BBS4: variants seen among roughly 807,000 people sequenced by gnomAD.
BBS4 encodes Bardet-Biedl syndrome 4, also known as BBSome complex member BBS4.
BBS4 carries 58 observed loss-of-function variants against 71.4 expected under a neutral mutation model. That is an observed-to-expected ratio of 0.81 (90% confidence interval 0.66 to 1.01). BBS4 has a LOEUF of 1.01. BBS4 is among the 50% of genes least tolerant of loss of function. The pLI is 0.00. For synonymous variants in BBS4, 228 were observed against 216.8 expected (o/e 1.05, Z -0.46); for missense variants, 660 against 607.9 (o/e 1.09, Z -0.90).
rs2065956600 is a variant in BBS4 at position 72,737,801 on chromosome 15, A to C, written c.*214A>C. On this transcript the variant is annotated 3_prime_UTR_variant, in exon 16 of 16. Coordinates refer to ENST00000268057, the MANE Select transcript of BBS4 (RefSeq NM_033028.5). ...CTCTACTGCCCCATAAGCCAGGAAA[A>C]GTGAAAAGAGAACACAGTTCCTTTA... 2 of 580,620 alleles carry C rather than the reference A, an allele frequency of 3.4e-6. No homozygotes were observed. The highest frequency in any genetic ancestry group is 4.3e-5 in the Admixed American group (2 of 46,180). The allele number at this position is 580,620 out of a possible 1,614,324, so 36.0% of individuals were successfully genotyped here. A position where few individuals can be genotyped will look rare whatever the true frequency, so the allele number is the denominator to read the frequency against.
intron 1 of BBS4, among the ~76,000 whole-genome samples, chr15:72,689,569 C>CA (rs376449093): frequency 1.3e-5 from 2 of 152,066 alleles, no homozygotes; most frequent in Admixed American, 6.6e-5. Flanking sequence ...CCCATTTCTA[C>CA]AAAAAACACA....
In BBS4 at chr15:72,709,765, T is replaced by C; in HGVS notation, c.142T>C (p.Tyr48His). 1 of 1,613,570 alleles carries C rather than the reference T, an allele frequency of 6.2e-7. No homozygotes were observed. Among genetic ancestry groups the C allele is most frequent in the Middle Eastern group, 1.7e-4 (1 of 6,060 alleles). ...TCATCTTCATTATATCCGGAAAGAT[T>C]ATGAAGCCTGCAAGGTAAGAGATTG... ...LIHLHYIRKD[Y>H]EACKAVIKEQ... Residue 48 changes from tyrosine to histidine, a missense_variant, in exon 3 of 16, where the codon TAT (tyrosine) becomes CAT (histidine). Transcript: ENST00000268057.
At chr15:72,693,691 G>A (rs889183138) in intron 1 of BBS4, among the ~76,000 whole-genome samples, 12 of 151,904 alleles carry the variant, frequency 7.9e-5, no homozygotes, top group Non-Finnish European at 1.6e-4. Context: ...AAAATCATTC[G>A]TAGCTTGTAG....
intron 8 of BBS4, 53 bp downstream of exon 8, chr15:72,724,708 A>G (rs2065636403): frequency 6.2e-7 from 1 of 1,603,908 alleles, no homozygotes; most frequent in East Asian, 2.2e-5. Flanking sequence ...AATTGAGTGG[A>G]TATGTGAACT....
chr15:72,689,464 G>T (rs965482678), intron 1 of BBS4, among the ~76,000 whole-genome samples: 1 of 152,220 alleles, frequency 6.6e-6, no homozygotes, highest in Non-Finnish European at 1.5e-5. Flanking sequence ...TGTACTTGGT[G>T]GCTCATGCCT....
intron 14 of BBS4, 118 bp downstream of exon 14, chr15:72,736,084 G>A (rs2065918065): frequency 1.6e-5 from 19 of 1,157,594 alleles, no homozygotes; most frequent in Non-Finnish European, 2.4e-5. Context: ...TGGCTTTGAT[G>A]TTCCTAGCAG....
At chr15:72,733,309 T>G (rs2065862028) in intron 12 of BBS4, among the ~76,000 whole-genome samples, 1 of 150,826 alleles carries the variant, frequency 6.6e-6, no homozygotes, top group African/African-American at 2.4e-5. Context: ...TTTTAAAAAT[T>G]TTATTTTAGG....
chr15:72,715,175 A>C, intron 4 of BBS4, 116 bp from the exon 5 acceptor site: 1 of 744,902 alleles, frequency 1.3e-6, no homozygotes, highest in South Asian at 1.5e-5. Flanking sequence ...ACAGTTGTCC[A>C]AAGGATTTAC....
At chr15:72,730,171 G>T (rs2065784576) in intron 10 of BBS4, among the ~76,000 whole-genome samples, 1 of 151,990 alleles carries the variant, frequency 6.6e-6, no homozygotes, top group African/African-American at 2.4e-5. Context: ...CAGCTCCTCG[G>T]GAGGCTGAGG....
intron 6 of BBS4, among the ~76,000 whole-genome samples, chr15:72,720,000 T>C (rs951176650): frequency 2.0e-5 from 3 of 151,998 alleles, no homozygotes; most frequent in Admixed American, 2.0e-4. Flanking sequence ...CCGCCCACCT[T>C]GGCCTCCCAA....
chr15:72,736,752 T>TG lies in BBS4; in HGVS notation c.1249-8dup, dbSNP rs1419777878. Reference sequence around the variant, plus strand: ...GCTTTTGATTCTTTTACTTCCTTTGTGGACACAAGATGGTGGAGATGGCTC... The same window carrying TG: ...GCTTTTGATTCTTTTACTTCCTTTGTGGGACACAAGATGGTGGAGATGGCTC... On this transcript the variant is annotated splice_polypyrimidine_tract_variant and intron_variant, in intron 14 of 15. Coordinates refer to ENST00000268057, the MANE Select transcript of BBS4 (RefSeq NM_033028.5). The TG allele has an allele frequency of 4.3e-6, 7 of 1,614,014 alleles. No homozygotes were observed. The African/African-American group carries it at 9.3e-5, about 22-fold the overall frequency.
intron 3 of BBS4, among the ~76,000 whole-genome samples, chr15:72,711,217 G>C (rs975051179): frequency 6.6e-6 from 1 of 151,522 alleles, no homozygotes; most frequent in African/African-American, 2.4e-5. Context: ...GCGTGACCTC[G>C]GCTCACCACA....
In BBS4 at chr15:72,693,056, T is replaced by TA. The variant is rs201088619; in HGVS notation, c.25-2115dup. Among the ~76,000 whole-genome samples the TA allele has an allele frequency of 7.9e-3, 1,201 of 152,272 alleles. 11 individuals carry two copies. The highest frequency in any genetic ancestry group is 0.011 in the Admixed American group (169 of 15,296). On this transcript the variant is annotated intron_variant, in intron 1 of 15. Transcript: ENST00000268057. ...TTCCTTTAATGAGTACCAAAGAAAT[T>TA]AAAAAATACATGTTTACTGTAAGTC...
intron 5 of BBS4, 31 bp downstream of exon 5, chr15:72,715,433 C>A: frequency 6.8e-7 from 1 of 1,465,066 alleles, no homozygotes; most frequent in Non-Finnish European, 9.6e-7. Context: ...GGCCCTAGGG[C>A]ACTCACAGAG....
intron 1 of BBS4, chr15:72,686,870 CCTTGCT>C (rs2064855722): frequency 1.6e-5 from 5 of 310,622 alleles, no homozygotes; most frequent in Non-Finnish European, 3.2e-5. Context: ...GCTTTGTTTA[CCTTGCT>C]TTAGTGTTGG....
intron 10 of BBS4, among the ~76,000 whole-genome samples, chr15:72,730,421 A>T (rs2065792696): frequency 6.6e-6 from 1 of 151,934 alleles, no homozygotes; most frequent in African/African-American, 2.4e-5. Flanking sequence ...ACATAGTGAG[A>T]CCCCCATTTC....
chr15:72,724,751 ATTAC>A (rs1466175243), intron 8 of BBS4, 96 bp downstream of exon 8: 10 of 1,489,056 alleles, frequency 6.7e-6, no homozygotes, highest in Admixed American at 3.9e-5. Context: ...TGTTTGATTA[ATTAC>A]TTACTGTATG....
chr15:72,688,220 G>T (rs1399983742), intron 1 of BBS4, among the ~76,000 whole-genome samples: 1 of 151,796 alleles, frequency 6.6e-6, no homozygotes, highest in Non-Finnish European at 1.5e-5. Context: ...ATGTACATTT[G>T]AATGTCTAAT....
intron 6 of BBS4, among the ~76,000 whole-genome samples, chr15:72,720,480 C>T (rs2065549412): frequency 7.7e-6 from 1 of 129,146 alleles, no homozygotes; most frequent in Non-Finnish European, 1.6e-5. Context: ...GAGCAAGACC[C>T]TGTCTCAAAA....
Sources: allele counts gnomAD v4.1 joint callset (sites outside exome capture counted in the v4.1 genomes callset), GRCh38; gene constraint gnomAD v4.1.1; transcripts MANE v1.5; gene names NCBI Gene and HGNC (gene_info 2026-07-23, HGNC 2026-07-21).